The following PCDH7 variants were observed in gnomAD, a reference collection of about 807,000 sequenced individuals.
PCDH7 encodes the protein protocadherin-7.
In PCDH7, 17 loss-of-function variants were observed where a neutral mutation model predicts 58.9. That is an observed-to-expected ratio of 0.29 (90% CI 0.20 to 0.43). PCDH7 has a LOEUF of 0.43. Ranked by LOEUF, PCDH7 falls within the 20% of genes least tolerant of loss-of-function variation. The pLI is 1.00. For missense variants in PCDH7, 1,274 were observed against 1,441.0 expected, an observed-to-expected ratio of 0.88 and a Z score of 1.88; for synonymous variants, 664 against 616.4, an observed-to-expected ratio of 1.08 and a Z score of -1.14.
Position 31,041,897 on chromosome 4 carries a change from A to C in PCDH7, c.*7+91682A>C, listed in dbSNP as rs528569320. ...ATAAAATAAACCAAGAATTTTAAAA[A>C]GTTTTCTGTTCATAGAAGTGAAATA... On this transcript the variant is annotated intron_variant, in intron 3 of 3. Transcript: ENST00000509759. Among the ~76,000 whole-genome samples the C allele has an allele frequency of 2.3e-4, 35 of 152,288 alleles. 1 individual carries two copies. In the Middle Eastern group the frequency reaches 0.017, roughly 74 times the overall value.
intron 1 of PCDH7, among the ~76,000 whole-genome samples, chr4:30,843,947 A>G (rs781367439): frequency 4.4e-4 from 66 of 149,170 alleles, no homozygotes; most frequent in Middle Eastern, 3.4e-3. Flanking sequence ...AAAATAAAAG[A>G]AAAAAAAGTC....
intron 1 of PCDH7, among the ~76,000 whole-genome samples, chr4:30,909,773 G>T (rs936948767): frequency 6.6e-6 from 1 of 152,122 alleles, no homozygotes; most frequent in African/African-American, 2.4e-5. Flanking sequence ...TAGATTCAAT[G>T]CTATTCCCAT....
At chr4:30,887,996 C>T (rs569280346) in intron 1 of PCDH7, among the ~76,000 whole-genome samples, 1 of 152,076 alleles carries the variant, frequency 6.6e-6, no homozygotes, top group African/African-American at 2.4e-5. Flanking sequence ...CTGCCTCAGC[C>T]TCCCGAGTAG....
chr4:30,988,847 G>A (rs576176572), intron 3 of PCDH7, among the ~76,000 whole-genome samples: 77 of 152,254 alleles, frequency 5.1e-4, no homozygotes, highest in African/African-American at 1.5e-3. Context: ...TGCAATGATG[G>A]TAGTATTAAT....
intron 3 of PCDH7, among the ~76,000 whole-genome samples, chr4:30,958,092 G>A (rs1030201162): frequency 6.6e-6 from 1 of 151,956 alleles, no homozygotes; most frequent in African/African-American, 2.4e-5. Context: ...TCAAAACTAG[G>A]CAGAACAAAC....
intron 1 of PCDH7, among the ~76,000 whole-genome samples, chr4:30,912,996 A>T (rs1265661459): frequency 2.0e-5 from 3 of 151,340 alleles, no homozygotes; most frequent in African/African-American, 7.3e-5. Context: ...GATGGATAAA[A>T]ATAAAGTTTT....
chr4:30,729,129 T>C (rs1343882340), intron 1 of PCDH7, among the ~76,000 whole-genome samples: 3 of 151,952 alleles, frequency 2.0e-5, no homozygotes, highest in South Asian at 2.1e-4. Flanking sequence ...AGTGACTTGA[T>C]TGGGATTACA....
intron 1 of PCDH7, among the ~76,000 whole-genome samples, chr4:30,834,299 G>T (rs1039753603): frequency 6.6e-6 from 1 of 152,110 alleles, no homozygotes; most frequent in Non-Finnish European, 1.5e-5. Context: ...AAAGGGCCCT[G>T]CTTTTTCCTT....
chr4:30,867,983 T>C (rs1735089171), intron 1 of PCDH7, among the ~76,000 whole-genome samples: 1 of 152,050 alleles, frequency 6.6e-6, no homozygotes, highest in African/African-American at 2.4e-5. Flanking sequence ...AACCTTTCCC[T>C]AAAAGAGGCT....
chr4:31,099,518 CA>C (rs1187366838), intron 3 of PCDH7, among the ~76,000 whole-genome samples: 1 of 152,184 alleles, frequency 6.6e-6, no homozygotes, highest in African/African-American at 2.4e-5. Context: ...GCCTTCAACA[CA>C]CACAAATGTA....
chr4:30,912,835 AT>A (rs1463847428), intron 1 of PCDH7, among the ~76,000 whole-genome samples: 1 of 152,054 alleles, frequency 6.6e-6, no homozygotes, highest in African/African-American at 2.4e-5. Flanking sequence ...CTTGTGCTAT[AT>A]TTTCTGTTTT....
At chr4:30,923,952 T>C (rs1407529246) in intron 2 of PCDH7, among the ~76,000 whole-genome samples, 1 of 152,200 alleles carries the variant, frequency 6.6e-6, no homozygotes, top group Non-Finnish European at 1.5e-5. Flanking sequence ...TTGATGCATA[T>C]TGCAATGGAT....
intron 3 of PCDH7, among the ~76,000 whole-genome samples, chr4:30,966,128 G>A (rs1475222237): frequency 4.6e-5 from 7 of 152,008 alleles, no homozygotes; most frequent in Non-Finnish European, 7.4e-5. Flanking sequence ...TTTTCATTGC[G>A]GATTCTTGAC....
chr4:31,135,962 T>C (rs1719551877), intron 3 of PCDH7, among the ~76,000 whole-genome samples: 1 of 152,202 alleles, frequency 6.6e-6, no homozygotes, highest in South Asian at 2.1e-4. Flanking sequence ...AGGTACTTTA[T>C]ATATATTAAC....
downstream of PCDH7, chr4:31,143,020 T>A (rs1490474635): frequency 5.3e-6 from 2 of 378,992 alleles, no homozygotes; most frequent in African/African-American, 4.3e-5. Context: ...TTAGCCTGAT[T>A]CTACTGTACA....
intron 3 of PCDH7, among the ~76,000 whole-genome samples, chr4:31,089,347 G>A (rs1022700583): frequency 2.0e-5 from 3 of 151,926 alleles, no homozygotes; most frequent in African/African-American, 4.8e-5. Flanking sequence ...GCCTTTTAAA[G>A]GCCACCCTGC....
At chr4:30,872,551 T>C (rs1171462139) in intron 1 of PCDH7, among the ~76,000 whole-genome samples, 2 of 152,082 alleles carry the variant, frequency 1.3e-5, no homozygotes, top group Non-Finnish European at 2.9e-5. Context: ...ACCTTGGGAT[T>C]GGATTCAGGC....
At chr4:31,131,215 G>A (rs1718942204) in intron 3 of PCDH7, among the ~76,000 whole-genome samples, 1 of 152,098 alleles carries the variant, frequency 6.6e-6, no homozygotes, top group Non-Finnish European at 1.5e-5. Context: ...AGGTTTAACA[G>A]TGAGATTTTG....
chr4:30,722,468 C>A lies in PCDH7; in HGVS notation c.1046C>A (p.Ala349Glu), dbSNP rs770924379. ...GGGCAGATCGAATACGTGTTCGGGG[C>A]GGCCACCGAGTCGGTGAGGCGGCTG... The change falls in exon 1 of 2, where the codon GCG (alanine) becomes GAG (glutamate). Residue 349 changes from alanine (A) to glutamate (E), a missense_variant. Ala to Glu is a moderately radical substitution (Grantham distance 107). Around this residue, in one of 3 missense-constraint regions of PCDH7, gnomAD observed 331 missense variants for 303.2 expected, o/e 1.09. Coordinates refer to ENST00000361762, the Ensembl canonical transcript of PCDH7. The surrounding 1 kb of genome is among the most constrained non-coding windows in gnomAD (Gnocchi z 7.6). The A allele has an allele frequency of 1.9e-6, 3 of 1,609,374 alleles. No homozygotes were observed. Among genetic ancestry groups the A allele is most frequent in the Non-Finnish European group, 2.5e-6 (3 of 1,178,300 alleles).
Sources: allele counts gnomAD v4.1 joint callset (sites outside exome capture counted in the v4.1 genomes callset), GRCh38; gene constraint gnomAD v4.1.1; regional missense constraint gnomAD v4.1.1; non-coding constraint Gnocchi (gnomAD v3.1); transcripts MANE v1.5; gene names NCBI Gene and HGNC (gene_info 2026-07-23, HGNC 2026-07-21).